The following RABGAP1L variants were observed in gnomAD, a reference collection of about 807,000 sequenced individuals.
The protein encoded by RABGAP1L is RAB GTPase activating protein 1 like.
RABGAP1L carries 63 observed loss-of-function variants against 137.7 expected under a neutral mutation model. The ratio of observed to expected loss-of-function variants is 0.46; its 90% CI spans 0.37 to 0.56. RABGAP1L has a LOEUF of 0.56. RABGAP1L is among the 20% of genes least tolerant of loss of function. The pLI is 0.00. For missense variants in RABGAP1L, 1,095 were observed against 1,244.0 expected (o/e 0.88, Z 1.80); for synonymous variants, 431 against 433.7 (o/e 0.99, Z 0.08).
intron 7 of RABGAP1L, among the ~76,000 whole-genome samples, chr1:174,255,555 C>T (rs1037301654): frequency 5.3e-5 from 8 of 152,164 alleles, no homozygotes; most frequent in South Asian, 2.1e-4. Context: ...GACAAAGTCT[C>T]GCTCTGTCAG....
chr1:174,456,851 T>G (rs549148807), intron 13 of RABGAP1L, among the ~76,000 whole-genome samples: 1 of 152,314 alleles, frequency 6.6e-6, no homozygotes, highest in South Asian at 2.1e-4. Flanking sequence ...TGCTACTTAT[T>G]TAAACAGTTT....
At chr1:174,576,313 G>A (rs143179310) in intron 13 of RABGAP1L, among the ~76,000 whole-genome samples, 12,062 of 152,084 alleles carry the variant, frequency 0.079, 656 homozygotes, top group East Asian at 0.32. Context: ...TCATGCGTCC[G>A]TTTATAGGCT....
At chr1:174,969,683 C>G (rs1018529010) in intron 21 of RABGAP1L, among the ~76,000 whole-genome samples, 3 of 152,216 alleles carry the variant, frequency 2.0e-5, no homozygotes, top group Admixed American at 2.0e-4. Context: ...ACATCAGTCA[C>G]CAAGAATATG....
At chr1:174,588,470 T>C (rs1669298403) in intron 13 of RABGAP1L, among the ~76,000 whole-genome samples, 1 of 152,206 alleles carries the variant, frequency 6.6e-6, no homozygotes, top group East Asian at 1.9e-4. Context: ...TGGCCCGGCC[T>C]AGTTATTTTT....
intron 13 of RABGAP1L, among the ~76,000 whole-genome samples, chr1:174,599,260 A>T (rs1023321910): frequency 3.3e-5 from 5 of 152,134 alleles, no homozygotes; most frequent in African/African-American, 1.2e-4. Flanking sequence ...CCACTTTTTA[A>T]CTTCTTGTTG....
chr1:174,359,529 G>T (rs1250398155), intron 11 of RABGAP1L, among the ~76,000 whole-genome samples: 1 of 152,104 alleles, frequency 6.6e-6, no homozygotes, highest in African/African-American at 2.4e-5. Flanking sequence ...CCAATTTACT[G>T]TTTCTTGGGC....
chr1:174,821,816 A>G (rs1353087398), intron 19 of RABGAP1L, among the ~76,000 whole-genome samples: 1 of 152,220 alleles, frequency 6.6e-6, no homozygotes, highest in African/African-American at 2.4e-5. Flanking sequence ...ACACCATTGA[A>G]AAGATTCACT....
chr1:174,732,284 A>T (rs1052043199), intron 17 of RABGAP1L, among the ~76,000 whole-genome samples: 2 of 152,162 alleles, frequency 1.3e-5, no homozygotes, highest in African/African-American at 4.8e-5. Flanking sequence ...AAAGAAGAGA[A>T]CTTAAGTATG....
At chr1:174,834,426 G>GAAA (rs67502774) in intron 19 of RABGAP1L, among the ~76,000 whole-genome samples, 4 of 129,638 alleles carry the variant, frequency 3.1e-5, no homozygotes, top group East Asian at 2.2e-4. Flanking sequence ...AACTCCGTCT[G>GAAA]AAAAAAAAAA....
chr1:174,188,880 G>C (rs1667004270), intron 1 of RABGAP1L, among the ~76,000 whole-genome samples: 1 of 152,186 alleles, frequency 6.6e-6, no homozygotes, highest in African/African-American at 2.4e-5. Flanking sequence ...TTTGGAATGG[G>C]ATATGAACAT....
chr1:174,717,088 A>G (rs1237214637), intron 17 of RABGAP1L, among the ~76,000 whole-genome samples: 1 of 152,180 alleles, frequency 6.6e-6, no homozygotes, highest in Non-Finnish European at 1.5e-5. Flanking sequence ...TTGCAAATAT[A>G]CATAAAAGAT....
chr1:174,366,978 A>C (rs1196003266), intron 11 of RABGAP1L: 1 of 152,042 alleles, frequency 6.6e-6, no homozygotes, highest in Non-Finnish European at 1.5e-5. Context: ...AACCTTGAAA[A>C]ATAGGTGTTA....
intron 13 of RABGAP1L, among the ~76,000 whole-genome samples, chr1:174,401,837 A>G (rs994867637): frequency 3.9e-5 from 6 of 152,160 alleles, no homozygotes; most frequent in African/African-American, 1.4e-4. Flanking sequence ...GAGGACAAAG[A>G]CTGGATACAG....
intron 5 of RABGAP1L, among the ~76,000 whole-genome samples, chr1:174,242,780 AT>A (rs915241696): frequency 5.3e-5 from 8 of 152,114 alleles, no homozygotes; most frequent in African/African-American, 1.9e-4. Context: ...GGCTTTATCT[AT>A]TTTTTTCCCA....
At chr1:174,956,632 A>G (rs1668552978) in intron 19 of RABGAP1L, among the ~76,000 whole-genome samples, 1 of 151,228 alleles carries the variant, frequency 6.6e-6, no homozygotes, top group Non-Finnish European at 1.5e-5. Flanking sequence ...CCATTTTAGA[A>G]TATTTTTCTC....
intron 11 of RABGAP1L, among the ~76,000 whole-genome samples, chr1:174,338,229 ATG>A (rs1681650884): frequency 6.6e-6 from 1 of 152,196 alleles, no homozygotes; most frequent in Non-Finnish European, 1.5e-5. Flanking sequence ...CAAAATAGCA[ATG>A]TTAAATTTAT....
At chr1:174,217,575 C>T (rs1470401528) in intron 1 of RABGAP1L, among the ~76,000 whole-genome samples, 1 of 152,080 alleles carries the variant, frequency 6.6e-6, no homozygotes, top group Non-Finnish European at 1.5e-5. Flanking sequence ...AAGGATTCAT[C>T]GTGCAGTCTG....
At chr1:174,416,019 C>CATATATATAGATATATATATATATAT (rs1650526038) in intron 13 of RABGAP1L, among the ~76,000 whole-genome samples, 1 of 129,050 alleles carries the variant, frequency 7.7e-6, no homozygotes, top group Non-Finnish European at 1.5e-5. Flanking sequence ...AGAAAATTTA[C>CATATATATAGATATATATATATATAT]ATATATATAT....
At chr1:174,373,184 A>G (rs548770599) in intron 12 of RABGAP1L, among the ~76,000 whole-genome samples, 11 of 152,170 alleles carry the variant, frequency 7.2e-5, no homozygotes, top group African/African-American at 1.2e-4. Flanking sequence ...GACAGTTTCA[A>G]TGTGGGATGG....
Sources: allele counts gnomAD v4.1 joint callset (sites outside exome capture counted in the v4.1 genomes callset), GRCh38; gene constraint gnomAD v4.1.1; transcripts MANE v1.5; gene names NCBI Gene and HGNC (gene_info 2026-07-23, HGNC 2026-07-21).